The following PPARGC1B variants were observed in gnomAD, a reference collection of about 807,000 sequenced individuals.
PPARGC1B encodes peroxisome proliferator-activated receptor gamma coactivator 1-beta.
A neutral mutation model predicts 101.6 loss-of-function variants in PPARGC1B; 34 were observed. The observed-to-expected ratio is 0.33, with a 90% CI of 0.25 to 0.45. The LOEUF is 0.45. PPARGC1B is among the 20% of genes least tolerant of loss of function. The pLI is 1.00. For missense variants in PPARGC1B, 1,234 were observed against 1,317.6 expected (o/e 0.94, Z 0.98); for synonymous variants, 548 against 539.3 (o/e 1.02, Z -0.22).
intron 1 of PPARGC1B, among the ~76,000 whole-genome samples, chr5:149,754,874 C>T (rs1306704855): frequency 4.1e-5 from 6 of 146,444 alleles, no homozygotes; most frequent in Admixed American, 6.9e-5. Context: ...CTCTGCCTCC[C>T]GGGTTCAAGC....
chr5:149,755,046 C>CATACAT (rs1438235435), intron 1 of PPARGC1B, among the ~76,000 whole-genome samples: 3,064 of 105,418 alleles, frequency 0.029, 47 homozygotes, highest in South Asian at 0.034. Context: ...TATACATATA[C>CATACAT]ATATACATAT....
chr5:149,751,456 A>C (rs968684997), intron 1 of PPARGC1B, among the ~76,000 whole-genome samples: 2 of 152,212 alleles, frequency 1.3e-5, no homozygotes, highest in African/African-American at 4.8e-5. Flanking sequence ...CTGTAATCCC[A>C]GCACTTTGGG....
chr5:149,814,475 G>T (rs1349379945), intron 1 of PPARGC1B, among the ~76,000 whole-genome samples: 3 of 152,136 alleles, frequency 2.0e-5, no homozygotes, highest in African/African-American at 4.8e-5. Flanking sequence ...TTCCAGAGGG[G>T]TCAGTGAGGA....
intron 1 of PPARGC1B, among the ~76,000 whole-genome samples, chr5:149,755,719 C>T (rs1191759540): frequency 2.0e-5 from 3 of 151,492 alleles, no homozygotes; most frequent in Admixed American, 6.6e-5. Context: ...TCTTGGCTCA[C>T]TGCAACCTCT....
At chr5:149,846,211 C>T (rs934913744) in intron 11 of PPARGC1B, 11 of 566,312 alleles carry the variant, frequency 1.9e-5, no homozygotes, top group Middle Eastern at 4.5e-4. Flanking sequence ...ACCGTGGCTA[C>T]GGTCTCCTTG....
intron 8 of PPARGC1B, among the ~76,000 whole-genome samples, chr5:149,838,341 G>A (rs1051305669): frequency 6.6e-6 from 1 of 152,090 alleles, no homozygotes; most frequent in Non-Finnish European, 1.5e-5. Context: ...AGTGAGGTCC[G>A]CAGCAATTTC....
intron 10 of PPARGC1B, chr5:149,845,549 CA>C: frequency 1.8e-6 from 1 of 561,364 alleles, no homozygotes; most frequent in African/African-American, 1.9e-5. Flanking sequence ...ATGTGATGGC[CA>C]ACACCTGGCA....
intron 1 of PPARGC1B, among the ~76,000 whole-genome samples, chr5:149,766,008 G>A (rs1755900959): frequency 6.6e-6 from 1 of 152,134 alleles, no homozygotes; most frequent in Admixed American, 6.5e-5. Context: ...ATTTTAATAA[G>A]GAGTTTTAAA....
intron 1 of PPARGC1B, among the ~76,000 whole-genome samples, chr5:149,769,428 G>A (rs760009923): frequency 8.5e-5 from 13 of 152,156 alleles, no homozygotes; most frequent in Non-Finnish European, 1.2e-4. Context: ...ATATGCTGCC[G>A]GAGCCAGGCG....
In PPARGC1B at chr5:149,832,525, G is replaced by A. The variant is rs1030484628; in HGVS notation, c.583-131G>A. 19 of 732,268 alleles carry A rather than the reference G, an allele frequency of 2.6e-5. No homozygotes were observed. The highest frequency in any genetic ancestry group is 6.4e-4 in the Middle Eastern group (2 of 3,136). 45.4% of individuals were successfully genotyped at this position (732,268 alleles called of 1,614,324 possible). On this transcript the variant is annotated intron_variant, in intron 4 of 11. Coordinates refer to ENST00000309241, the MANE Select transcript of PPARGC1B (RefSeq NM_133263.4). The surrounding 1 kb of genome is among the most constrained non-coding windows in gnomAD (Gnocchi z 4.9). Reference sequence around the variant, plus strand: ...CGGCTCTGTGTGGGAAGCTGGGGACGGAATGAAGGAAACCTGGCTGTTCCT... The same window carrying A: ...CGGCTCTGTGTGGGAAGCTGGGGACAGAATGAAGGAAACCTGGCTGTTCCT...
intron 1 of PPARGC1B, among the ~76,000 whole-genome samples, chr5:149,778,645 G>A (rs951883406): frequency 5.3e-5 from 8 of 152,108 alleles, no homozygotes; most frequent in Non-Finnish European, 5.9e-5. Flanking sequence ...TGGGCTTGGC[G>A]TCGTGGGCCC....
intron 1 of PPARGC1B, among the ~76,000 whole-genome samples, chr5:149,757,284 C>T (rs547789061): frequency 2.7e-5 from 4 of 148,648 alleles, no homozygotes; most frequent in African/African-American, 9.7e-5. Context: ...TCATAAAGTA[C>T]ACAAACGATT....
chr5:149,741,417 C>T (rs888248582), intron 1 of PPARGC1B, among the ~76,000 whole-genome samples: 8 of 152,198 alleles, frequency 5.3e-5, no homozygotes, highest in Admixed American at 2.6e-4. Flanking sequence ...GAGGGCAACC[C>T]GGCCTTTATG....
At position 149,833,586 on chromosome 5, in the gene PPARGC1B, G is replaced by T. The variant is rs1368753321; in HGVS notation, c.1513G>T (p.Ala505Ser). 1 of 1,603,154 alleles carries T rather than the reference G, an allele frequency of 6.2e-7. No homozygotes were observed. The highest frequency in any genetic ancestry group is 2.3e-5 in the East Asian group (1 of 44,224). ...EPLVPSEPQGALPSLCLAPKA... is the reference protein window; with the variant it reads ...EPLVPSEPQGSLPSLCLAPKA... ...GCTGGTCCCCTCGGAGCCCCAAGGT[G>T]CTCTGCCCTCACTGTGCCTGGCTCC... Residue 505 changes from alanine (A) to serine (S), a missense_variant, in exon 5 of 12, where the codon GCT becomes TCT. Around this residue, in one of 3 missense-constraint regions of PPARGC1B, gnomAD observed 734 missense variants for 768.4 expected, o/e 0.96. Coordinates refer to ENST00000309241, the MANE Select transcript of PPARGC1B (RefSeq NM_133263.4). The surrounding 1 kb of genome is among the most constrained non-coding windows in gnomAD (Gnocchi z 4.1).
At chr5:149,736,233 C>T (rs1025555368) in intron 1 of PPARGC1B, among the ~76,000 whole-genome samples, 9 of 152,110 alleles carry the variant, frequency 5.9e-5, no homozygotes, top group Admixed American at 4.6e-4. Context: ...TAGGCCCTCT[C>T]GATTGGGAGT....
intron 8 of PPARGC1B, among the ~76,000 whole-genome samples, 194 bp from the exon 9 acceptor site, chr5:149,839,847 A>C (rs370367014): frequency 1.3e-5 from 2 of 152,148 alleles, no homozygotes; most frequent in South Asian, 4.1e-4. Context: ...ATGTGTCCAG[A>C]TGTTCAGGCC....
chr5:149,748,348 TAGTTG>T lies in PPARGC1B; in HGVS notation c.78+17936_78+17940del, dbSNP rs1191434825. ...ATCTATATATATATATCTCAGTGGG[TAGTTG>T]AGTTGAGAAGATGAGAAGGTACAAT... On this transcript the variant is annotated intron_variant, in intron 1 of 11. Coordinates refer to ENST00000309241, the MANE Select transcript of PPARGC1B (RefSeq NM_133263.4). Among the ~76,000 whole-genome samples, 5 of 151,390 alleles carry T rather than the reference TAGTTG, an allele frequency of 3.3e-5. No homozygotes were observed. The East Asian group carries it at 5.8e-4, about 18-fold the overall frequency.
chr5:149,762,777 G>A (rs1275971895), intron 1 of PPARGC1B, among the ~76,000 whole-genome samples: 5 of 152,110 alleles, frequency 3.3e-5, no homozygotes, highest in South Asian at 2.1e-4. Context: ...CCCTCATGGC[G>A]CCAAGGTTCT....
intron 1 of PPARGC1B, among the ~76,000 whole-genome samples, chr5:149,755,386 C>T (rs1358897298): frequency 6.6e-6 from 1 of 151,856 alleles, no homozygotes; most frequent in Admixed American, 6.6e-5. Flanking sequence ...ACCATCACAC[C>T]TGTCTTTGGT....
Sources: gnomAD v4.1 joint callset for allele counts (sites outside exome capture counted in the v4.1 genomes callset) on GRCh38, gnomAD v4.1.1 for gene constraint, gnomAD v4.1.1 regional missense constraint, Gnocchi (gnomAD v3.1) non-coding constraint, MANE v1.5 for transcripts, NCBI Gene and HGNC (gene_info 2026-07-23, HGNC 2026-07-21) for gene names.